The following ATRN variants were observed in gnomAD, a reference collection of about 807,000 sequenced individuals.
ATRN encodes attractin, also known as attractin-2.
A neutral mutation model predicts 178.7 loss-of-function variants in ATRN; 54 were observed. That is an observed-to-expected ratio of 0.30 (90% CI 0.24 to 0.38). The LOEUF is 0.38. Ranked by LOEUF, ATRN falls within the 10% of genes least tolerant of loss-of-function variation. The pLI, the probability that ATRN is intolerant of heterozygous loss-of-function variation, is 1.00. For synonymous variants in ATRN, 636 were observed against 663.0 expected (o/e 0.96, Z 0.63); for missense variants, 1,443 against 1,815.1 (o/e 0.79, Z 3.73).
intron 1 of ATRN, among the ~76,000 whole-genome samples, chr20:3,523,522 A>C (rs933248763): frequency 1.3e-5 from 2 of 152,186 alleles, no homozygotes; most frequent in African/African-American, 2.4e-5. Context: ...AACTTCCCCA[A>C]CCTAGCAAGA....
At chr20:3,538,953 C>T (rs909364599) in intron 2 of ATRN, among the ~76,000 whole-genome samples, 6 of 152,184 alleles carry the variant, frequency 3.9e-5, no homozygotes, top group African/African-American at 1.2e-4. Context: ...ACGTTTTTCC[C>T]AGCACTTTTC....
At position 3,535,298 on chromosome 20, in the gene ATRN, T is replaced by A; in HGVS notation, c.456T>A (p.Tyr152Ter). The A allele has an allele frequency of 6.4e-7, 1 of 1,554,710 alleles. No individual in the cohort carries two copies. Among genetic ancestry groups the A allele is most frequent in the Non-Finnish European group, 8.7e-7 (1 of 1,144,018 alleles). Residue 152 changes from tyrosine to a stop codon, truncating the protein, a stop_gained, in exon 2 of 29, where the codon TAT (tyrosine) becomes TAA (stop). Coordinates refer to ENST00000262919, the MANE Select transcript of ATRN (RefSeq NM_139321.3). LOFTEE classifies it high-confidence loss of function. ...SGFVTDGPGN[Y>*]KYKTKCTWLI... ...TTGTGACAGATGGACCTGGAAATTA[T>A]AAATACAAAACGAAGTGCACGTGGC...
At chr20:3,597,858 A>G (rs1368814164) in intron 21 of ATRN, 48 bp from the exon 22 acceptor site, 2 of 1,209,898 alleles carry the variant, frequency 1.7e-6, no homozygotes, top group Non-Finnish European at 2.4e-6. Context: ...GACCTGTTCT[A>G]TTTTGTGTGT....
intron 3 of ATRN, among the ~76,000 whole-genome samples, chr20:3,541,076 A>ATTTTTTTTTTTTTTTTTT (rs1331876349): frequency 8.4e-6 from 1 of 119,046 alleles, no homozygotes; most frequent in Non-Finnish European, 1.8e-5. Context: ...ATGATAGAGG[A>ATTTTTTTTTTTTTTTTTT]TTTTTTTTTT....
chr20:3,526,828 G>A (rs1341813228), intron 1 of ATRN, among the ~76,000 whole-genome samples: 3 of 152,170 alleles, frequency 2.0e-5, no homozygotes, highest in Non-Finnish European at 4.4e-5. Context: ...AAACAATGGG[G>A]AAAGGATTCC....
intron 10 of ATRN, among the ~76,000 whole-genome samples, chr20:3,564,282 A>T (rs138880291): frequency 6.6e-6 from 1 of 152,234 alleles, no homozygotes; most frequent in Non-Finnish European, 1.5e-5. Flanking sequence ...AGCACCTCTG[A>T]GTACCCTTTA....
intron 1 of ATRN, among the ~76,000 whole-genome samples, chr20:3,497,182 G>A (rs1240864952): frequency 6.8e-6 from 1 of 148,122 alleles, no homozygotes; most frequent in Admixed American, 6.8e-5. Flanking sequence ...ATATTGTTAT[G>A]TGTGAATTTG....
At chr20:3,498,598 T>C (rs1450401941) in intron 1 of ATRN, among the ~76,000 whole-genome samples, 1 of 152,096 alleles carries the variant, frequency 6.6e-6, no homozygotes, top group Non-Finnish European at 1.5e-5. Flanking sequence ...ATTATCTCAA[T>C]AGATGCAGAA....
intron 1 of ATRN, among the ~76,000 whole-genome samples, chr20:3,491,491 C>G (rs1235039531): frequency 6.6e-6 from 1 of 152,200 alleles, no homozygotes; most frequent in Non-Finnish European, 1.5e-5. Context: ...CATTTGCAGA[C>G]TTTGTCTTCT....
chr20:3,597,551 C>G (rs915411948), intron 21 of ATRN, among the ~76,000 whole-genome samples: 8 of 152,182 alleles, frequency 5.3e-5, no homozygotes, highest in Admixed American at 3.9e-4. Context: ...TGCATTCAGT[C>G]TGTTGCAGTA....
At position 3,616,044 on chromosome 20, in the gene ATRN, T is replaced by TA. The variant is rs5840003; in HGVS notation, c.3802-8453dup. ...TGTACCCTAAAACTTAAAGTATAAT[T>TA]AAAAAAAAAAAAAAGAAAAATGTGT... On this transcript the variant is annotated intron_variant, in intron 24 of 28. Coordinates refer to ENST00000262919, the MANE Select transcript of ATRN (RefSeq NM_139321.3). 124 of 149,092 alleles carry TA rather than the reference T, an allele frequency of 8.3e-4. 1 individual carries two copies. The highest frequency in any genetic ancestry group is 6.8e-3 in the Middle Eastern group (2 of 296). 9.2% of individuals were successfully genotyped at this position (149,092 alleles called of 1,614,324 possible).
At chr20:3,481,791 C>CTTTTTTTTTTTT (rs780144563) in intron 1 of ATRN, among the ~76,000 whole-genome samples, 2 of 100,524 alleles carry the variant, frequency 2.0e-5, no homozygotes, top group Non-Finnish European at 4.1e-5. Flanking sequence ...GGTGAATTTC[C>CTTTTTTTTTTTT]TTTTTTTTTT....
chr20:3,643,851 G>A (rs538231951), intron 27 of ATRN, among the ~76,000 whole-genome samples: 8 of 152,188 alleles, frequency 5.3e-5, no homozygotes, highest in East Asian at 1.9e-4. Flanking sequence ...ATTTCAAATC[G>A]AGCCAAAGTA....
chr20:3,508,547 A>G (rs559415581), intron 1 of ATRN, among the ~76,000 whole-genome samples: 1 of 152,356 alleles, frequency 6.6e-6, no homozygotes, highest in South Asian at 2.1e-4. Flanking sequence ...TTCTATATCC[A>G]GTAGAAAATA....
At chr20:3,555,147 G>T (rs1446396711) in intron 6 of ATRN, among the ~76,000 whole-genome samples, 1 of 151,736 alleles carries the variant, frequency 6.6e-6, no homozygotes. Flanking sequence ...GACTACAGGC[G>T]CCCGCCACCT....
At chr20:3,529,058 C>T (rs1231396173) in intron 1 of ATRN, among the ~76,000 whole-genome samples, 2 of 152,176 alleles carry the variant, frequency 1.3e-5, no homozygotes, top group Non-Finnish European at 2.9e-5. Context: ...AAATGATCCA[C>T]CTGCCTTGGC....
intron 15 of ATRN, among the ~76,000 whole-genome samples, chr20:3,581,708 G>A (rs1247103636): frequency 6.6e-6 from 1 of 152,116 alleles, no homozygotes; most frequent in Non-Finnish European, 1.5e-5. Flanking sequence ...TTTGGGGGTA[G>A]CCATCTCTTC....
rs235538 is a variant in ATRN at position 3,584,899 on chromosome 20, C to A, written c.3184+19C>A. 1 of 1,604,748 alleles carries A rather than the reference C, an allele frequency of 6.2e-7. No individual in the cohort carries two copies. The highest frequency in any genetic ancestry group is 8.5e-7 in the Non-Finnish European group (1 of 1,171,648). ...TGTCCAGGTAAGATGCCTTGCATAT[C>A]CAAATTCAAGTGTTTCACTACTGAT... is the stretch of plus-strand genomic sequence containing the variant. On this transcript the variant is annotated intron_variant, in intron 18 of 28. Coordinates refer to ENST00000262919, the MANE Select transcript of ATRN (RefSeq NM_139321.3).
chr20:3,579,100 A>T (rs777609761), intron 15 of ATRN, among the ~76,000 whole-genome samples: 4 of 152,184 alleles, frequency 2.6e-5, no homozygotes, highest in African/African-American at 4.8e-5. Flanking sequence ...AAGAGAGGTC[A>T]CTGATAATTA....
Sources: gnomAD v4.1 joint callset for allele counts (sites outside exome capture counted in the v4.1 genomes callset) on GRCh38, gnomAD v4.1.1 for gene constraint, MANE v1.5 for transcripts, NCBI Gene and HGNC (gene_info 2026-07-23, HGNC 2026-07-21) for gene names.